METTL25: variants seen among roughly 807,000 people sequenced by gnomAD.
METTL25 encodes the protein probable methyltransferase-like protein 25.
METTL25 carries 64 observed loss-of-function variants against 71.6 expected under a neutral mutation model. That is an observed-to-expected ratio of 0.89 (90% CI 0.73 to 1.10). METTL25 has a LOEUF of 1.10. Among genes scored for constraint, METTL25 ranks in the 50% least tolerant of loss-of-function variants. The probability of loss-of-function intolerance (pLI) is 0.00; values close to 1 mark genes in which losing one functional copy is unlikely to be tolerated. For synonymous variants in METTL25, 287 were observed against 250.3 expected (o/e 1.15, Z -1.38); for missense variants, 807 against 707.0 (o/e 1.14, Z -1.60).
intron 5 of METTL25, among the ~76,000 whole-genome samples, chr12:82,417,397 A>G (rs1439247248): frequency 1.3e-5 from 2 of 152,310 alleles, no homozygotes; most frequent in East Asian, 3.9e-4. Context: ...TTTCAACATA[A>G]GTAATAAATA....
In METTL25 at chr12:82,399,193, T is replaced by C. The variant is rs1309489842; in HGVS notation, c.930T>C (p.Asn310=). ...PHQEENLCFE[N]SFSLINLLPI... The stretch of plus-strand genomic sequence containing the variant: ...AAGAAGAAAATTTGTGTTTTGAAAA[T>C]TCCTTTTCTCTTATAAACCTTTTGC... Residue 310 remains asparagine (N), a synonymous_variant, in exon 4 of 12, where the codon AAT becomes AAC. Transcript: ENST00000248306. The C allele has an allele frequency of 3.1e-6, 5 of 1,613,282 alleles. No homozygotes were observed. Among genetic ancestry groups the C allele is most frequent in the Non-Finnish European group, 4.2e-6 (5 of 1,179,730 alleles).
At position 82,360,421 on chromosome 12, in the gene METTL25, A is replaced by G. The variant is rs138576968; in HGVS notation, c.259+1597A>G. Among the ~76,000 whole-genome samples, 1,498 of 151,984 alleles carry G rather than the reference A, an allele frequency of 9.9e-3. 24 individuals carry two copies. Among genetic ancestry groups the G allele is most frequent in the African/African-American group, 0.034 (1,413 of 41,422 alleles). On this transcript the variant is annotated intron_variant, in intron 1 of 11. Transcript: ENST00000248306. ...TTGCAAGGGATATAGCTGATAATGGAAGATTCTCAAACCTGGGTCATCTGA... is the reference window on the plus strand; with the variant it reads ...TTGCAAGGGATATAGCTGATAATGGGAGATTCTCAAACCTGGGTCATCTGA...
chr12:82,389,906 A>G lies in METTL25; in HGVS notation c.515A>G (p.Tyr172Cys), dbSNP rs756516559. 2 of 1,558,428 alleles carry G rather than the reference A, an allele frequency of 1.3e-6. No individual in the cohort carries two copies. Among genetic ancestry groups the G allele is most frequent in the South Asian group, 1.1e-5 (1 of 88,440 alleles). The change falls in exon 3 of 12, where the codon TAC becomes TGC. Residue 172 changes from tyrosine to cysteine, a missense_variant. Coordinates refer to ENST00000248306, the MANE Select transcript of METTL25 (RefSeq NM_032230.3). ...GAGCTGATCAGCAGTATTGCTGACT[A>G]CTATGGAATAAAGCAGGTAAGAGTA... ...MSELISSIAD[Y>C]YGIKQVIDLG... is the part of the protein sequence containing the mutation.
chr12:82,409,329 CTGTT>C (rs1311512808), intron 5 of METTL25, among the ~76,000 whole-genome samples: 1 of 152,066 alleles, frequency 6.6e-6, no homozygotes, highest in Non-Finnish European at 1.5e-5. Flanking sequence ...TATAGAGTGT[CTGTT>C]TGGCCAAGCT....
intron 4 of METTL25, 132 bp downstream of exon 4, chr12:82,399,526 A>G (rs936028682): frequency 2.7e-6 from 2 of 741,610 alleles, no homozygotes; most frequent in Non-Finnish European, 4.2e-6. Flanking sequence ...AATCATAAGT[A>G]GGCTTTCATT....
chr12:82,456,596 C>T (rs1035897380), intron 8 of METTL25, 131 bp from the exon 9 acceptor site: 1 of 522,278 alleles, frequency 1.9e-6, no homozygotes, highest in Non-Finnish European at 3.4e-6. Flanking sequence ...AAAAGTATTA[C>T]TGTATTTTGA....
chr12:82,400,333 C>G (rs957527295), intron 4 of METTL25, among the ~76,000 whole-genome samples: 26 of 126,182 alleles, frequency 2.1e-4, no homozygotes, highest in African/African-American at 5.7e-4. Context: ...CGGTGTCCCC[C>G]CCAACAAAAA....
chr12:82,405,576 G>C lies in METTL25; in HGVS notation c.1279+2446G>C, dbSNP rs569715132. Among the ~76,000 whole-genome samples the C allele has an allele frequency of 2.2e-3, 331 of 152,174 alleles. 1 individual carries two copies. The highest frequency in any genetic ancestry group is 6.8e-3 in the Middle Eastern group (2 of 294). On this transcript the variant is annotated intron_variant, in intron 5 of 11. Transcript: ENST00000248306. ...CTCCTTGCTAATCCATTTTAAATCA[G>C]CTTTCCAGTACGTTTTCTAATAGAT...
At chr12:82,378,010 AT>A (rs200294525) in intron 1 of METTL25, among the ~76,000 whole-genome samples, 6 of 150,098 alleles carry the variant, frequency 4.0e-5, no homozygotes, top group African/African-American at 7.3e-5. Context: ...CTTCTTCTCT[AT>A]TTTTTTTTCG....
rs575080837 is a variant in METTL25 at position 82,423,155 on chromosome 12, C to G, written c.1280-7738C>G. Among the ~76,000 whole-genome samples, 13 of 152,200 alleles carry G rather than the reference C, an allele frequency of 8.5e-5. No homozygotes were observed. In the South Asian group the frequency reaches 2.7e-3, roughly 32 times the overall value. ...GACTTCAAACTATACTACAAGGCTA[C>G]AATAACCAAAACAGCATGGTACTAG... On this transcript the variant is annotated intron_variant, in intron 5 of 11. Coordinates refer to ENST00000248306, the MANE Select transcript of METTL25 (RefSeq NM_032230.3).
intron 1 of METTL25, among the ~76,000 whole-genome samples, chr12:82,375,178 C>T (rs1052143199): frequency 2.0e-5 from 3 of 152,110 alleles, no homozygotes; most frequent in African/African-American, 4.8e-5. Flanking sequence ...ATATGCTCCT[C>T]CAAATTCATA....
chr12:82,372,118 A>G (rs1300347040), intron 1 of METTL25, among the ~76,000 whole-genome samples: 2 of 152,188 alleles, frequency 1.3e-5, no homozygotes, highest in Non-Finnish European at 2.9e-5. Flanking sequence ...TATCAATAGC[A>G]TGATGTCTCT....
At chr12:82,464,535 T>A (rs537652412) in intron 9 of METTL25, among the ~76,000 whole-genome samples, 28 of 152,174 alleles carry the variant, frequency 1.8e-4, no homozygotes, top group African/African-American at 6.5e-4. Flanking sequence ...TATTTTGAAG[T>A]CTAGTAGTAT....
intron 5 of METTL25, among the ~76,000 whole-genome samples, chr12:82,419,687 T>G (rs1334742022): frequency 2.8e-5 from 1 of 35,312 alleles, no homozygotes; most frequent in Non-Finnish European, 7.4e-5. Flanking sequence ...TTAAAATGAC[T>G]GCTATTAAAA....
intron 5 of METTL25, chr12:82,407,745 C>T: frequency 2.2e-6 from 2 of 917,594 alleles, no homozygotes; most frequent in Non-Finnish European, 2.6e-6. Context: ...AGTTGGAAAG[C>T]CAAGAGATAA....
At chr12:82,475,539 T>C (rs1892835097) in intron 9 of METTL25, among the ~76,000 whole-genome samples, 1 of 151,990 alleles carries the variant, frequency 6.6e-6, no homozygotes, top group Non-Finnish European at 1.5e-5. Flanking sequence ...AAATAATAAA[T>C]TTATTTAAAC....
At chr12:82,389,396 C>A (rs868304422) in intron 2 of METTL25, among the ~76,000 whole-genome samples, 3 of 151,896 alleles carry the variant, frequency 2.0e-5, no homozygotes, top group South Asian at 2.1e-4. Flanking sequence ...GTTTTTTTCC[C>A]CACTTTTCTA....
chr12:82,399,787 C>T (rs187746352), intron 4 of METTL25, among the ~76,000 whole-genome samples: 303 of 152,174 alleles, frequency 2.0e-3, no homozygotes, highest in Non-Finnish European at 3.4e-3. Flanking sequence ...TTTCCTTGAG[C>T]AAGAGTAGCT....
At chr12:82,410,816 G>T (rs1454226727) in intron 5 of METTL25, among the ~76,000 whole-genome samples, 1 of 151,978 alleles carries the variant, frequency 6.6e-6, no homozygotes, top group African/African-American at 2.4e-5. Flanking sequence ...CAACTAATAC[G>T]GAAGCTGATC....
Sources: allele counts gnomAD v4.1 joint callset (sites outside exome capture counted in the v4.1 genomes callset), GRCh38; gene constraint gnomAD v4.1.1; transcripts MANE v1.5; gene names NCBI Gene and HGNC (gene_info 2026-07-23, HGNC 2026-07-21).